NSMCE2: variants seen among roughly 807,000 people sequenced by gnomAD.
NSMCE2 encodes NSE2 SUMO ligase component of SMC5/6 complex.
NSMCE2 carries 24 observed loss-of-function variants against 23.8 expected under a neutral mutation model. The observed-to-expected ratio is 1.01, with a 90% confidence interval of 0.73 to 1.42. NSMCE2 has a LOEUF of 1.42. Among genes scored for constraint, NSMCE2 ranks in the 40% most tolerant of loss-of-function variants. The probability of loss-of-function intolerance (pLI) is 0.00; values close to 1 mark genes in which losing one functional copy is unlikely to be tolerated. For synonymous variants in NSMCE2, 92 were observed against 94.1 expected (o/e 0.98, Z 0.13); for missense variants, 284 against 296.5 (o/e 0.96, Z 0.31).
chr8:125,271,603 A>T (rs1827193228), intron 5 of NSMCE2, among the ~76,000 whole-genome samples: 1 of 152,180 alleles, frequency 6.6e-6, no homozygotes, highest in African/African-American at 2.4e-5. Flanking sequence ...TCATCTTTGA[A>T]ACCAGTAATG....
chr8:125,324,339 G>A (rs1829561988), intron 5 of NSMCE2, among the ~76,000 whole-genome samples: 1 of 151,946 alleles, frequency 6.6e-6, no homozygotes, highest in Admixed American at 6.6e-5. Flanking sequence ...TGTGCCCGCA[G>A]AAAGACTTCT....
In NSMCE2 at chr8:125,341,078, A is replaced by G. The variant is rs529561023; in HGVS notation, c.419-16141A>G. ...AATCACTTTAACCAGTCACCTCTCC[A>G]TATTTTTTTTTCTTTTGTCTTAAGG... On this transcript the variant is annotated intron_variant, in intron 5 of 7. Transcript: ENST00000287437. Among the ~76,000 whole-genome samples, 6 of 151,966 alleles carry G rather than the reference A, an allele frequency of 3.9e-5. No individual in the cohort carries two copies. In the South Asian group the frequency reaches 8.3e-4, roughly 21 times the overall value.
At chr8:125,299,744 G>T (rs958398028) in intron 5 of NSMCE2, among the ~76,000 whole-genome samples, 14 of 149,416 alleles carry the variant, frequency 9.4e-5, no homozygotes, top group Admixed American at 8.1e-4. Context: ...TTGGCTTATG[G>T]AAAGAGAATG....
intron 4 of NSMCE2, among the ~76,000 whole-genome samples, chr8:125,152,608 CCTTT>C (rs1254867524): frequency 6.6e-6 from 1 of 152,154 alleles, no homozygotes; most frequent in Non-Finnish European, 1.5e-5. Context: ...ACTTGATAAG[CCTTT>C]CTATCTTTAA....
chr8:125,128,909 T>C (rs1819631548), intron 3 of NSMCE2, among the ~76,000 whole-genome samples: 1 of 152,218 alleles, frequency 6.6e-6, no homozygotes, highest in Non-Finnish European at 1.5e-5. Context: ...AACAATCTTA[T>C]TTCCATCTAT....
intron 3 of NSMCE2, among the ~76,000 whole-genome samples, chr8:125,148,961 A>C (rs1490392062): frequency 6.6e-6 from 1 of 152,188 alleles, no homozygotes; most frequent in Non-Finnish European, 1.5e-5. Flanking sequence ...ATGATTTTTA[A>C]CAAATGGTTG....
At chr8:125,105,140 C>T (rs947168424) in intron 3 of NSMCE2, among the ~76,000 whole-genome samples, 1 of 152,224 alleles carries the variant, frequency 6.6e-6, no homozygotes, top group African/African-American at 2.4e-5. Context: ...TACTGTCCCA[C>T]AGCTATTGTT....
At chr8:125,114,770 C>A (rs1818916489) in intron 3 of NSMCE2, among the ~76,000 whole-genome samples, 1 of 152,168 alleles carries the variant, frequency 6.6e-6, no homozygotes, top group Admixed American at 6.5e-5. Context: ...TGTATGCATA[C>A]ATACATACAT....
At chr8:125,237,179 A>G (rs1295680969) in intron 5 of NSMCE2, among the ~76,000 whole-genome samples, 1 of 152,212 alleles carries the variant, frequency 6.6e-6, no homozygotes, top group Non-Finnish European at 1.5e-5. Context: ...CAGCAGGGAC[A>G]TGAAATTACC....
chr8:125,213,622 T>A (rs1335711806), intron 5 of NSMCE2, among the ~76,000 whole-genome samples: 1 of 148,082 alleles, frequency 6.8e-6, no homozygotes, highest in African/African-American at 2.5e-5. Flanking sequence ...CTTCTCTTAT[T>A]TTCTCTTTCT....
intron 5 of NSMCE2, among the ~76,000 whole-genome samples, chr8:125,285,705 A>AGCTAGCATTTATTGAGCACCTACAGTAT (rs1827862568): frequency 6.6e-6 from 1 of 152,128 alleles, no homozygotes; most frequent in South Asian, 2.1e-4. Flanking sequence ...CCAATATAAT[A>AGCTAGCATTTATTGAGCACCTACAGTAT]GCTAGCATTT....
intron 3 of NSMCE2, among the ~76,000 whole-genome samples, chr8:125,112,162 A>G (rs73704534): frequency 0.047 from 7,116 of 152,320 alleles, 529 homozygotes; most frequent in African/African-American, 0.16. Context: ...TATACCAGCA[A>G]AATAGCATTA....
intron 4 of NSMCE2, among the ~76,000 whole-genome samples, chr8:125,151,615 A>T (rs962896156): frequency 2.0e-5 from 3 of 152,232 alleles, no homozygotes; most frequent in African/African-American, 7.2e-5. Context: ...TTGCTTAAAC[A>T]TACAATTGAG....
chr8:125,108,959 A>T (rs1818599533), intron 3 of NSMCE2, among the ~76,000 whole-genome samples: 1 of 152,224 alleles, frequency 6.6e-6, no homozygotes, highest in Non-Finnish European at 1.5e-5. Context: ...AGGAAAAAAT[A>T]TGGTAAGATC....
chr8:125,125,381 T>C (rs1291190449), intron 3 of NSMCE2, among the ~76,000 whole-genome samples: 2 of 152,198 alleles, frequency 1.3e-5, no homozygotes, highest in African/African-American at 4.8e-5. Context: ...GAGAAAATGC[T>C]TCAAGCACTT....
At chr8:125,173,674 A>C (rs754448399) in intron 4 of NSMCE2, among the ~76,000 whole-genome samples, 2 of 152,202 alleles carry the variant, frequency 1.3e-5, no homozygotes, top group Non-Finnish European at 2.9e-5. Flanking sequence ...AGGCAGTTTC[A>C]TATTCAGAAT....
intron 3 of NSMCE2, among the ~76,000 whole-genome samples, chr8:125,110,804 A>ATT (rs1334561447): frequency 3.5e-5 from 1 of 28,600 alleles, no homozygotes; most frequent in African/African-American, 1.4e-4. Flanking sequence ...ATGTTATCTG[A>ATT]TTTTTTTTTT....
chr8:125,339,766 C>T (rs1830172916), intron 5 of NSMCE2, among the ~76,000 whole-genome samples: 1 of 152,052 alleles, frequency 6.6e-6, no homozygotes, highest in Non-Finnish European at 1.5e-5. Flanking sequence ...GGTGAGTTCC[C>T]GTGGCCCCCT....
At chr8:125,119,245 C>T (rs1332533025) in intron 3 of NSMCE2, among the ~76,000 whole-genome samples, 4 of 152,168 alleles carry the variant, frequency 2.6e-5, no homozygotes, top group Non-Finnish European at 5.9e-5. Context: ...ACTGTAACAA[C>T]CTGAAAGTTG....
Sources: gnomAD v4.1 joint callset for allele counts (sites outside exome capture counted in the v4.1 genomes callset) on GRCh38, gnomAD v4.1.1 for gene constraint, MANE v1.5 for transcripts, NCBI Gene and HGNC (gene_info 2026-07-23, HGNC 2026-07-21) for gene names.